SPOCK3: variants seen among roughly 807,000 people sequenced by gnomAD.
The protein encoded by SPOCK3 is SPARC (osteonectin), cwcv and kazal like domains proteoglycan 3, also known as testican-3.
In SPOCK3, 30 loss-of-function variants were observed where a neutral mutation model predicts 56.6. The ratio of observed to expected loss-of-function variants is 0.53; its 90% confidence interval spans 0.40 to 0.72. The LOEUF (loss-of-function observed/expected upper bound fraction) is 0.72, where lower values mean the gene tolerates loss of function less well. Ranked by LOEUF, SPOCK3 falls within the 30% of genes least tolerant of loss-of-function variation. The pLI is 0.00. For synonymous variants in SPOCK3, 196 were observed against 183.3 expected (o/e 1.07, Z -0.56); for missense variants, 527 against 530.0 (o/e 0.99, Z 0.06).
chr4:167,152,088 C>T (rs1764472402), intron 2 of SPOCK3, among the ~76,000 whole-genome samples: 1 of 152,116 alleles, frequency 6.6e-6, no homozygotes, highest in Admixed American at 6.5e-5. Context: ...GAAACAACAA[C>T]AGTTCTAAAA....
chr4:167,037,185 G>A (rs1182343939), intron 3 of SPOCK3, among the ~76,000 whole-genome samples: 1 of 152,090 alleles, frequency 6.6e-6, no homozygotes, highest in African/African-American at 2.4e-5. Context: ...CACTATGCAG[G>A]TAAAAGATTT....
intron 6 of SPOCK3, among the ~76,000 whole-genome samples, chr4:166,869,516 T>C (rs1323315417): frequency 1.3e-5 from 2 of 151,908 alleles, no homozygotes; most frequent in Non-Finnish European, 2.9e-5. Context: ...TAAAAACAGT[T>C]TACACTGAGT....
intron 7 of SPOCK3, among the ~76,000 whole-genome samples, chr4:166,778,992 C>G (rs910115793): frequency 6.6e-6 from 1 of 152,040 alleles, no homozygotes; most frequent in Non-Finnish European, 1.5e-5. Flanking sequence ...GATAAATTAT[C>G]ACCAAAAACC....
In SPOCK3 at chr4:166,893,685, A is replaced by G. The variant is rs144503679; in HGVS notation, c.475-4441T>C. 1.3e-3 allele frequency among the ~76,000 whole-genome samples: 203 copies of G among 152,276 alleles called. No homozygotes were observed. In the Middle Eastern group the frequency reaches 0.02, roughly 15 times the overall value. ...GAAATAGCAGCAATGTTATTTTCTTATGGTAGCAATACAAATTTTCATTCA... is the reference window on the plus strand; with the variant it reads ...GAAATAGCAGCAATGTTATTTTCTTGTGGTAGCAATACAAATTTTCATTCA... On this transcript the variant is annotated intron_variant, in intron 5 of 10. Coordinates refer to ENST00000357545, the MANE Select transcript of SPOCK3 (RefSeq NM_001040159.2).
At chr4:166,957,223 G>A (rs1007832056) in intron 4 of SPOCK3, among the ~76,000 whole-genome samples, 4 of 152,158 alleles carry the variant, frequency 2.6e-5, no homozygotes, top group Non-Finnish European at 4.4e-5. Context: ...CTGCACTCCC[G>A]CATGGGTGAC....
chr4:167,020,357 T>A (rs1244124265), intron 3 of SPOCK3, among the ~76,000 whole-genome samples: 1 of 152,140 alleles, frequency 6.6e-6, no homozygotes, highest in Non-Finnish European at 1.5e-5. Context: ...GGGTAACATG[T>A]CTTCAAAGTT....
chr4:167,029,841 C>A (rs1473493398), intron 3 of SPOCK3, among the ~76,000 whole-genome samples: 3 of 151,868 alleles, frequency 2.0e-5, no homozygotes, highest in African/African-American at 4.8e-5. Flanking sequence ...TAAATGTTTT[C>A]ATGTTATTTC....
chr4:167,122,659 A>T (rs145885330), intron 2 of SPOCK3, among the ~76,000 whole-genome samples: 5 of 152,314 alleles, frequency 3.3e-5, no homozygotes, highest in Middle Eastern at 3.4e-3. Flanking sequence ...CATATCCGTT[A>T]TTCTTCCTTC....
chr4:167,020,591 C>T (rs914963266), intron 3 of SPOCK3, among the ~76,000 whole-genome samples: 2 of 151,990 alleles, frequency 1.3e-5, no homozygotes, highest in Non-Finnish European at 1.5e-5. Context: ...TTGTGTTCTT[C>T]CACCTTCTGC....
chr4:167,225,808 G>T (rs1736540235), intron 2 of SPOCK3, among the ~76,000 whole-genome samples: 1 of 152,012 alleles, frequency 6.6e-6, no homozygotes, highest in Non-Finnish European at 1.5e-5. Context: ...AGCCTGTATG[G>T]GAATTCTGGC....
At chr4:166,891,490 C>G (rs1182279094) in intron 5 of SPOCK3, among the ~76,000 whole-genome samples, 1 of 151,858 alleles carries the variant, frequency 6.6e-6, no homozygotes, top group African/African-American at 2.4e-5. Context: ...TTATTAAGGA[C>G]TTTGAACATG....
intron 2 of SPOCK3, among the ~76,000 whole-genome samples, chr4:167,215,726 G>A (rs1023512905): frequency 3.3e-5 from 5 of 152,130 alleles, no homozygotes; most frequent in Admixed American, 6.6e-5. Context: ...TGGTGTTGAT[G>A]TTTGAATAGA....
At chr4:166,865,630 C>A (rs542707989) in intron 6 of SPOCK3, among the ~76,000 whole-genome samples, 55 of 152,176 alleles carry the variant, frequency 3.6e-4, no homozygotes, top group African/African-American at 1.3e-3. Flanking sequence ...TTCCTATACA[C>A]CAATAACAGA....
At chr4:167,069,613 AG>A (rs1253109477) in intron 2 of SPOCK3, among the ~76,000 whole-genome samples, 2 of 151,910 alleles carry the variant, frequency 1.3e-5, no homozygotes, top group Admixed American at 6.6e-5. Context: ...AAAATATACA[AG>A]ATCTTGAGTC....
At chr4:166,954,984 A>G (rs1743220886) in intron 4 of SPOCK3, among the ~76,000 whole-genome samples, 1 of 152,154 alleles carries the variant, frequency 6.6e-6, no homozygotes, top group Non-Finnish European at 1.5e-5. Context: ...CTCTTCTACT[A>G]ATTCACAGCA....
At chr4:167,135,414 A>G (rs1763030492) in intron 2 of SPOCK3, among the ~76,000 whole-genome samples, 1 of 152,164 alleles carries the variant, frequency 6.6e-6, no homozygotes, top group Non-Finnish European at 1.5e-5. Flanking sequence ...ATAGATCTAA[A>G]AGAATAATTT....
chr4:167,043,864 C>A (rs1303977122), intron 3 of SPOCK3, among the ~76,000 whole-genome samples: 1 of 151,580 alleles, frequency 6.6e-6, no homozygotes, highest in Non-Finnish European at 1.5e-5. Context: ...ACTTTTGCAC[C>A]CATGTTATGA....
chr4:167,106,932 A>G (rs780265821), intron 2 of SPOCK3, among the ~76,000 whole-genome samples: 1 of 151,870 alleles, frequency 6.6e-6, no homozygotes, highest in Admixed American at 6.6e-5. Context: ...CCTAGACAAT[A>G]CAACCTACCA....
rs576963566 is a variant in SPOCK3, at chr4:167,101,523, T to A, written c.190-38986A>T. 2.5e-4 allele frequency among the ~76,000 whole-genome samples: 38 copies of A among 152,090 alleles called. No individual in the cohort carries two copies. In the East Asian group the frequency reaches 6.8e-3, roughly 27 times the overall value. On this transcript the variant is annotated intron_variant, in intron 2 of 10. Coordinates refer to ENST00000357545, the MANE Select transcript of SPOCK3 (RefSeq NM_001040159.2). ...CTCAGAAACTCACATGATCATATTA[T>A]GCTTGCTAATTACCAATAAGTGCTA...
Sources: allele counts gnomAD v4.1 joint callset (sites outside exome capture counted in the v4.1 genomes callset), GRCh38; gene constraint gnomAD v4.1.1; transcripts MANE v1.5; gene names NCBI Gene and HGNC (gene_info 2026-07-23, HGNC 2026-07-21).